FTSJ3: variants seen among roughly 807,000 people sequenced by gnomAD.
The protein encoded by FTSJ3 is pre-rRNA 2'-O-ribose RNA methyltransferase FTSJ3.
In FTSJ3, 46 loss-of-function variants were observed where a neutral mutation model predicts 111.5. That is an observed-to-expected ratio of 0.41 (90% CI 0.33 to 0.53). The LOEUF (loss-of-function observed/expected upper bound fraction) is 0.53, where lower values mean the gene tolerates loss of function less well. Ranked by LOEUF, FTSJ3 falls within the 20% of genes least tolerant of loss-of-function variation. The pLI is 0.19. For missense variants in FTSJ3, 1,075 were observed against 1,063.8 expected (o/e 1.01, Z -0.15); for synonymous variants, 408 against 383.0 (o/e 1.07, Z -0.76).
chr17:63,827,092 A>C lies in FTSJ3; in HGVS notation c.-67T>G. 3 of 567,450 alleles carry C rather than the reference A, an allele frequency of 5.3e-6. No individual in the cohort carries two copies. The highest frequency in any genetic ancestry group is 3.8e-5 in the African/African-American group (1 of 26,292). 35.2% of individuals were successfully genotyped at this position (567,450 alleles called of 1,614,324 possible). A position where few individuals can be genotyped will look rare whatever the true frequency, so the allele number is the denominator to read the frequency against. ...CTTTCTCCACACTTGGAACCGCACA[A>C]GTATGCAGCTAACTACTTCCGCTTC... On this transcript the variant is annotated 5_prime_UTR_variant, in exon 1 of 21. Transcript: ENST00000427159.
rs754026039 is a variant in FTSJ3, at chr17:63,820,061, GTGGT to G, written c.2351+14_2351+17del. The G allele has an allele frequency of 6.2e-7, 1 of 1,613,928 alleles. No individual in the cohort carries two copies. The highest frequency in any genetic ancestry group is 1.3e-5 in the African/African-American group (1 of 75,000). On this transcript the variant is annotated intron_variant, in intron 20 of 20. Coordinates refer to ENST00000427159, the MANE Select transcript of FTSJ3 (RefSeq NM_017647.4). ...TGCACTTTTAGCCCTGTGTACCTTTGTGGTGTCCTCCCATTACCTTCGCAGCTGT... is the reference window on the plus strand; with the variant it reads ...TGCACTTTTAGCCCTGTGTACCTTTGGTCCTCCCATTACCTTCGCAGCTGT...
chr17:63,825,928 C>T (rs537743573), intron 5 of FTSJ3, 128 bp downstream of exon 5: 3 of 767,764 alleles, frequency 3.9e-6, no homozygotes, highest in Non-Finnish European at 4.4e-6. Flanking sequence ...TGCCATAGGT[C>T]TTGTCGTACA....
Position 63,819,801 on chromosome 17 carries a change from C to G in FTSJ3, c.*1G>C. 5 of 1,611,228 alleles carry G rather than the reference C, an allele frequency of 3.1e-6. No individual in the cohort carries two copies. Among genetic ancestry groups the G allele is most frequent in the Non-Finnish European group, 4.2e-6 (5 of 1,178,350 alleles). Reference sequence around the variant, plus strand: ...CTCTCCTGGGAGCCTGGCAGCTCTGCTTACTTCCGTTTGTGTTTTTTCTTT... The same window carrying G: ...CTCTCCTGGGAGCCTGGCAGCTCTGGTTACTTCCGTTTGTGTTTTTTCTTT... On this transcript the variant is annotated 3_prime_UTR_variant, in exon 21 of 21. Coordinates refer to ENST00000427159, the MANE Select transcript of FTSJ3 (RefSeq NM_017647.4).
chr17:63,825,683 C>G, intron 5 of FTSJ3, 48 bp from the exon 6 acceptor site: 1 of 1,518,104 alleles, frequency 6.6e-7, no homozygotes, highest in Non-Finnish European at 9.1e-7. Context: ...TGGAATGGCC[C>G]TGGTTCAGCC....
In FTSJ3 at chr17:63,827,402, T is replaced by C. The variant is rs943636622; in HGVS notation, c.-377A>G. On this transcript the variant is annotated 5_prime_UTR_variant, in exon 1 of 21. Coordinates refer to ENST00000427159, the MANE Select transcript of FTSJ3 (RefSeq NM_017647.4). ...CCCGCCCATTGACCCGGAATTCTTC[T>C]CTGCCTGGTCTTCAGGTCCCAATCC... 1.5e-5 allele frequency: 23 copies of C among 1,540,252 alleles called. No homozygotes were observed. The Admixed American group carries it at 4.1e-4, about 28-fold the overall frequency.
rs760234926 is a variant in FTSJ3 at position 63,820,103 on chromosome 17, C to G, written c.2327G>C (p.Arg776Pro). The stretch of plus-strand genomic sequence containing the variant: ...CCTTCGCAGCTGTGCCACTTTCTCT[C>G]GTTCTGAGATGTCCACTGTGTTCAC... ...AVVNTVDISE[R>P]EKVAQLRSLY... Residue 776 changes from arginine to proline, a missense_variant, in exon 20 of 21, where the codon CGA becomes CCA. Around this residue, in one of 2 missense-constraint regions of FTSJ3, gnomAD observed 867 missense variants for 796.9 expected, o/e 1.09. Transcript: ENST00000427159. 3 of 1,614,012 alleles carry G rather than the reference C, an allele frequency of 1.9e-6. No individual in the cohort carries two copies. The African/African-American group carries it at 4.0e-5, about 22-fold the overall frequency.
In FTSJ3 at chr17:63,820,915, C is replaced by CG. The variant is rs2040043800; in HGVS notation, c.1995dup (p.Glu666ArgfsTer22). ...ATAACAGCACCTAGAGCAAGGCCTT[C>CG]GGGGTCCAGTATCCGATGTTTCGCT... On this transcript the variant is annotated frameshift_variant, in exon 18 of 21. Coordinates refer to ENST00000427159, the MANE Select transcript of FTSJ3 (RefSeq NM_017647.4). LOFTEE classifies it high-confidence loss of function. 6.2e-7 allele frequency: 1 copy of CG among 1,614,026 alleles called. No individual in the cohort carries two copies. The highest frequency in any genetic ancestry group is 1.3e-5 in the African/African-American group (1 of 74,906).
intron 13 of FTSJ3, among the ~76,000 whole-genome samples, chr17:63,822,965 C>G (rs928981288): frequency 6.6e-6 from 1 of 152,138 alleles, no homozygotes; most frequent in African/African-American, 2.4e-5. Flanking sequence ...TCACAAAGCT[C>G]CAGGTGGTAG....
At chr17:63,823,694 TG>T in intron 13 of FTSJ3, 122 bp downstream of exon 13, 1 of 1,075,040 alleles carries the variant, frequency 9.3e-7, no homozygotes, top group Non-Finnish European at 1.4e-6. Flanking sequence ...AGGCACCCTG[TG>T]GTGAAGACAG....
At chr17:63,826,459 C>T in intron 3 of FTSJ3, 108 bp downstream of exon 3, 4 of 1,201,438 alleles carry the variant, frequency 3.3e-6, no homozygotes, top group Non-Finnish European at 4.9e-6. Flanking sequence ...AAACGGCCCC[C>T]AAGAGGACCG....
rs1598347793 is a variant in FTSJ3, at chr17:63,819,781, C to G, written c.*21G>C. The G allele has an allele frequency of 1.9e-6, 3 of 1,599,436 alleles. No individual in the cohort carries two copies. The East Asian group carries it at 6.7e-5, about 36-fold the overall frequency. The stretch of plus-strand genomic sequence containing the variant: ...CCTTCCTCCTAGTCCCCATGCTCTC[C>G]TGGGAGCCTGGCAGCTCTGCTTACT... On this transcript the variant is annotated 3_prime_UTR_variant, in exon 21 of 21. Coordinates refer to ENST00000427159, the MANE Select transcript of FTSJ3 (RefSeq NM_017647.4).
chr17:63,821,468 G>C lies in FTSJ3; in HGVS notation c.1772C>G (p.Ala591Gly). The change falls in exon 16 of 21, where the codon GCC becomes GGC. Residue 591 changes from alanine to glycine, a missense_variant. This residue lies in a region of FTSJ3 where 867 missense variants were observed against 796.9 expected (regional missense o/e 1.09). Transcript: ENST00000427159. ...EIMSPLYQDEAPKGTEASSGT... is the reference protein window; with the variant it reads ...EIMSPLYQDEGPKGTEASSGT... ...CGAAGAAGCCTCTGTTCCCTTAGGG[G>C]CTTCATCTTGGTACAGGGGAGACAT... is the stretch of plus-strand genomic sequence containing the variant. The C allele has an allele frequency of 7.4e-6, 12 of 1,614,184 alleles. No homozygotes were observed. Among genetic ancestry groups the C allele is most frequent in the Non-Finnish European group, 1.0e-5 (12 of 1,180,038 alleles).
intron 4 of FTSJ3, 37 bp downstream of exon 4, chr17:63,826,221 C>A (rs2040101562): frequency 1.2e-6 from 2 of 1,611,358 alleles, no homozygotes; most frequent in East Asian, 2.2e-5. Flanking sequence ...TATACACCCA[C>A]CCCTTAAAAC....
In FTSJ3 at chr17:63,821,783, C is replaced by T; in HGVS notation, c.1536G>A (p.Leu512=). The change falls in exon 15 of 21, where the codon CTG becomes CTA. Residue 512 remains leucine (L), a synonymous_variant. Transcript: ENST00000427159. The part of the protein sequence containing the change: ...KEEEEEENPL[L]VPLEEKAVLQ... ...GTACTGCCTTTTCCTCCAGTGGTAC[C>T]AGCAGTGGATTCTCCTCCTCCTCCT... is the stretch of plus-strand genomic sequence containing the variant. The T allele has an allele frequency of 6.2e-7, 1 of 1,614,086 alleles. No individual in the cohort carries two copies. Among genetic ancestry groups the T allele is most frequent in the Non-Finnish European group, 8.5e-7 (1 of 1,179,970 alleles).
Position 63,827,452 on chromosome 17 carries a change from G to C in FTSJ3, c.-427C>G, listed in dbSNP as rs1464698432. ...CTCCGCTTCCGCGCTTGCGCGCCAA[G>C]ACGGCTCGGATGCCGGCGGTCTCTG... is the stretch of plus-strand genomic sequence containing the variant. On this transcript the variant is annotated 5_prime_UTR_variant, in exon 1 of 21. Coordinates refer to ENST00000427159, the MANE Select transcript of FTSJ3 (RefSeq NM_017647.4). The C allele has an allele frequency of 6.4e-7, 1 of 1,551,634 alleles. No homozygotes were observed. The highest frequency in any genetic ancestry group is 8.7e-7 in the Non-Finnish European group (1 of 1,147,012).
intron 2 of FTSJ3, 53 bp from the exon 3 acceptor site, chr17:63,826,725 C>A (rs1598351948): frequency 4.5e-6 from 7 of 1,567,358 alleles, no homozygotes; most frequent in Non-Finnish European, 6.2e-6. Context: ...ATTTCTCCGG[C>A]CTCGCAACCG....
chr17:63,824,463 C>T, intron 10 of FTSJ3, 52 bp from the exon 11 acceptor site: 2 of 1,594,870 alleles, frequency 1.3e-6, no homozygotes, highest in South Asian at 1.1e-5. Context: ...TTGTCCCCGC[C>T]CCCTTCTGTT....
intron 13 of FTSJ3, among the ~76,000 whole-genome samples, chr17:63,822,555 AAG>A (rs765356429): frequency 2.2e-4 from 33 of 152,354 alleles, no homozygotes; most frequent in Non-Finnish European, 4.1e-4. Context: ...CACTGAATAA[AAG>A]GGGCCCAGCC....
intron 18 of FTSJ3, 93 bp from the exon 19 acceptor site, chr17:63,820,531 T>C: frequency 7.6e-7 from 1 of 1,311,178 alleles, no homozygotes. Flanking sequence ...CTGTAATCCC[T>C]GCACTTTGGG....
Sources: allele counts gnomAD v4.1 joint callset (sites outside exome capture counted in the v4.1 genomes callset), GRCh38; gene constraint gnomAD v4.1.1; regional missense constraint gnomAD v4.1.1; transcripts MANE v1.5; gene names NCBI Gene and HGNC (gene_info 2026-07-23, HGNC 2026-07-21).